The following CHST3 variants were observed in gnomAD, a reference collection of about 807,000 sequenced individuals.
CHST3 encodes the protein carbohydrate sulfotransferase 3.
CHST3 carries 20 observed loss-of-function variants against 35.4 expected under a neutral mutation model. That is an observed-to-expected ratio of 0.57 (90% CI 0.40 to 0.82). CHST3 has a LOEUF of 0.82. CHST3 is among the 40% of genes least tolerant of loss of function. CHST3 has a pLI of 0.00. For missense variants in CHST3, 693 were observed against 670.1 expected (o/e 1.03, Z -0.38); for synonymous variants, 334 against 295.9 (o/e 1.13, Z -1.32).
intron 1 of CHST3, among the ~76,000 whole-genome samples, chr10:71,998,399 C>T (rs1839961845): frequency 6.6e-6 from 1 of 152,228 alleles, no homozygotes; most frequent in Non-Finnish European, 1.5e-5. Flanking sequence ...CGGGGCTGCC[C>T]GGCTACATGG....
chr10:71,982,904 G>A (rs1839814475), intron 1 of CHST3, among the ~76,000 whole-genome samples: 1 of 152,230 alleles, frequency 6.6e-6, no homozygotes, highest in African/African-American at 2.4e-5. Flanking sequence ...CCAGCTAGTG[G>A]GCTACCGAGC....
Position 71,989,163 on chromosome 10 carries a change from CAGAA to C in CHST3, c.-107-16559_-107-16556del, listed in dbSNP as rs368307964. Among the ~76,000 whole-genome samples, 252 of 151,166 alleles carry C rather than the reference CAGAA, an allele frequency of 1.7e-3. 8 individuals carry two copies. In the South Asian group the frequency reaches 0.048, roughly 29 times the overall value. On this transcript the variant is annotated intron_variant, in intron 1 of 2. Transcript: ENST00000373115. ...GGCGACAGAGCAAGGCTCTGTCTGA[CAGAA>C]AGAAAGAAAGAAAAAGAAAGGAAGG...
In CHST3 at chr10:72,007,213, A is replaced by G. The variant is rs1362350248; in HGVS notation, c.182A>G (p.Asp61Gly). ...KLKQIPQALADANSTDPALIL... is the reference protein window; with the variant it reads ...KLKQIPQALAGANSTDPALIL... ...AAGCAGATTCCCCAAGCTCTAGCAGATGCCAACAGCACCGACCCAGCCCTG... is the reference window on the plus strand; with the variant it reads ...AAGCAGATTCCCCAAGCTCTAGCAGGTGCCAACAGCACCGACCCAGCCCTG... The change falls in exon 3 of 3, where the codon GAT (aspartate) becomes GGT (glycine). Residue 61 changes from aspartate (D) to glycine (G), a missense_variant. Asp to Gly is a moderately conservative substitution (Grantham distance 94). Coordinates refer to ENST00000373115, the MANE Select transcript of CHST3 (RefSeq NM_004273.5). The G allele has an allele frequency of 6.2e-7, 1 of 1,614,076 alleles. No individual in the cohort carries two copies. The highest frequency in any genetic ancestry group is 8.5e-7 in the Non-Finnish European group (1 of 1,180,048).
chr10:71,970,655 T>G (rs1361605022), intron 1 of CHST3, among the ~76,000 whole-genome samples: 1 of 152,206 alleles, frequency 6.6e-6, no homozygotes, highest in East Asian at 1.9e-4. Context: ...CTGCTCCCTC[T>G]GAGTCAGTCC....
At chr10:71,985,884 C>G (rs1208506229) in intron 1 of CHST3, among the ~76,000 whole-genome samples, 1 of 152,292 alleles carries the variant, frequency 6.6e-6, no homozygotes, top group South Asian at 2.1e-4. Flanking sequence ...CTCCTGCCCC[C>G]ACCCCTTCCT....
Position 71,981,287 on chromosome 10 carries a change from A to G in CHST3, c.-108+16593A>G, listed in dbSNP as rs1006034780. 1.1e-4 allele frequency among the ~76,000 whole-genome samples: 17 copies of G among 152,260 alleles called. No individual in the cohort carries two copies. In the Middle Eastern group the frequency reaches 0.014, roughly 122 times the overall value. On this transcript the variant is annotated intron_variant, in intron 1 of 2. Transcript: ENST00000373115. The stretch of plus-strand genomic sequence containing the variant: ...GCTTTGGAGACTGGCCTGTATCCCA[A>G]ACTGCTTCTGCTCTCCAACCAGGGA...
Position 72,012,372 on chromosome 10 carries a change from G to A in CHST3, c.*3901G>A, listed in dbSNP as rs931503340. 6.6e-6 allele frequency: 1 copy of A among 152,402 alleles called. No homozygotes were observed. The highest frequency in any genetic ancestry group is 1.5e-5 in the Non-Finnish European group (1 of 68,170). 9.4% of individuals were successfully genotyped at this position (152,402 alleles called of 1,614,324 possible). A position where few individuals can be genotyped will look rare whatever the true frequency, so the allele number is the denominator to read the frequency against. On this transcript the variant is annotated 3_prime_UTR_variant, in exon 3 of 3. Transcript: ENST00000373115. ...TAGGGCCTATTGACCGTAGAGGCCA[G>A]GTGCGGTGGCTCATACCTGTAATCC...
In CHST3 at chr10:72,007,924, A is replaced by G. The variant is rs1312011289; in HGVS notation, c.893A>G (p.Gln298Arg). 6.4e-7 allele frequency: 1 copy of G among 1,556,056 alleles called. No homozygotes were observed. Among genetic ancestry groups the G allele is most frequent in the Admixed American group, 1.9e-5 (1 of 51,740 alleles). Residue 298 changes from glutamine to arginine, a missense_variant, in exon 3 of 3, where the codon CAG (glutamine) becomes CGG (arginine). Gln to Arg is a conservative substitution (Grantham distance 43, BLOSUM62 1). Coordinates refer to ENST00000373115, the MANE Select transcript of CHST3 (RefSeq NM_004273.5). ...CCCCGCCTGGACCTGCGCGTCATCC[A>G]GCTGGTGCGCGACCCCCGGGCCGTG... ...EDPRLDLRVI[Q>R]LVRDPRAVLA...
In CHST3 at chr10:72,012,664, A is replaced by C. The variant is rs1840123795; in HGVS notation, c.*4193A>C. On this transcript the variant is annotated 3_prime_UTR_variant, in exon 3 of 3. Coordinates refer to ENST00000373115, the MANE Select transcript of CHST3 (RefSeq NM_004273.5). The stretch of plus-strand genomic sequence containing the variant: ...GCTGAGTGGAAGCAGATGCCTGCAC[A>C]AGCCAAGTGTGTCTTATTGATCTGT... 1 of 152,350 alleles carries C rather than the reference A, an allele frequency of 6.6e-6. No individual in the cohort carries two copies. The highest frequency in any genetic ancestry group is 1.5e-5 in the Non-Finnish European group (1 of 68,152). The allele number at this position is 152,350 out of a possible 1,614,324, so 9.4% of individuals were successfully genotyped here. A position where few individuals can be genotyped will look rare whatever the true frequency, so the allele number is the denominator to read the frequency against.
chr10:72,003,700 C>CAAAA (rs10688056), intron 1 of CHST3, among the ~76,000 whole-genome samples: 2,875 of 111,414 alleles, frequency 0.026, 107 homozygotes, highest in African/African-American at 0.096. Context: ...GACTCTGTCT[C>CAAAA]AAAAAAAAAA....
At chr10:71,989,650 CTT>C (rs57938230) in intron 1 of CHST3, among the ~76,000 whole-genome samples, 3,383 of 152,280 alleles carry the variant, frequency 0.022, 94 homozygotes, top group African/African-American at 0.066. Flanking sequence ...ATAACTTTCT[CTT>C]ATATTGATAT....
chr10:71,981,366 GC>G (rs1378239749), intron 1 of CHST3, among the ~76,000 whole-genome samples: 1 of 152,198 alleles, frequency 6.6e-6, no homozygotes, highest in East Asian at 1.9e-4. Context: ...GCCTCCATGG[GC>G]CCCTCCCCAG....
intron 1 of CHST3, among the ~76,000 whole-genome samples, chr10:71,992,658 C>CTTTTT (rs57408244): frequency 1.8e-5 from 2 of 111,414 alleles, no homozygotes; most frequent in African/African-American, 6.7e-5. Flanking sequence ...ATGGAATATT[C>CTTTTT]TTTTTTTTTT....
chr10:72,002,978 G>A (rs1011492663), intron 1 of CHST3, among the ~76,000 whole-genome samples: 2 of 152,192 alleles, frequency 1.3e-5, no homozygotes, highest in Non-Finnish European at 2.9e-5. Context: ...TAGGTTGGGG[G>A]TCCCCAAGGT....
intron 1 of CHST3, among the ~76,000 whole-genome samples, chr10:71,966,621 G>A (rs1839634253): frequency 6.6e-6 from 1 of 152,232 alleles, no homozygotes; most frequent in Non-Finnish European, 1.5e-5. Flanking sequence ...AAGAGGAGGT[G>A]ATCTGGGCTT....
intron 1 of CHST3, among the ~76,000 whole-genome samples, chr10:71,996,432 C>G (rs1322633432): frequency 6.9e-6 from 1 of 145,644 alleles, no homozygotes; most frequent in Admixed American, 7.0e-5. Context: ...CCAACCCCCC[C>G]CCAACGTATG....
chr10:71,979,093 G>C (rs968508455), intron 1 of CHST3, among the ~76,000 whole-genome samples: 1 of 152,120 alleles, frequency 6.6e-6, no homozygotes, highest in African/African-American at 2.4e-5. Context: ...TAGCGCACAC[G>C]TGTTACCTCT....
chr10:71,967,919 T>C (rs530122735), intron 1 of CHST3, among the ~76,000 whole-genome samples: 11 of 152,218 alleles, frequency 7.2e-5, no homozygotes, highest in South Asian at 4.1e-4. Flanking sequence ...CCTCCCAGGT[T>C]CAAGCAATTC....
At chr10:71,967,975 A>ATTTTTTTTTTTTTTTTTTTTT (rs61420934) in intron 1 of CHST3, among the ~76,000 whole-genome samples, 5 of 142,086 alleles carry the variant, frequency 3.5e-5, no homozygotes, top group Non-Finnish European at 6.1e-5. Flanking sequence ...TGCGTGGCTA[A>ATTTTTTTTTTTTTTTTTTTTT]TTTTTTTTTT....
Sources: gnomAD v4.1 joint callset for allele counts (sites outside exome capture counted in the v4.1 genomes callset) on GRCh38, gnomAD v4.1.1 for gene constraint, MANE v1.5 for transcripts, NCBI Gene and HGNC (gene_info 2026-07-23, HGNC 2026-07-21) for gene names.